ABCA4: variants seen among roughly 807,000 people sequenced by gnomAD.
ABCA4 encodes the protein ATP binding cassette subfamily A member 4.
In ABCA4, 196 loss-of-function variants were observed where a neutral mutation model predicts 263.7. The ratio of observed to expected loss-of-function variants is 0.74; its 90% CI spans 0.66 to 0.84. The LOEUF is 0.84. Ranked by LOEUF, ABCA4 falls within the 40% of genes least tolerant of loss-of-function variation. ABCA4 has a pLI of 0.00. For missense variants in ABCA4, 2,792 were observed against 2,855.1 expected, an observed-to-expected ratio of 0.98 and a Z score of 0.50; for synonymous variants, 1,133 against 1,094.2, an observed-to-expected ratio of 1.04 and a Z score of -0.70.
chr1:94,109,653 C>T (rs1662547079), intron 3 of ABCA4, among the ~76,000 whole-genome samples: 2 of 152,150 alleles, frequency 1.3e-5, no homozygotes, highest in African/African-American at 4.8e-5. Flanking sequence ...GATACAGAGG[C>T]CAGGGCTGGC....
chr1:94,001,187 G>T, intron 45 of ABCA4, 82 bp from the exon 46 acceptor site: 1 of 1,163,390 alleles, frequency 8.6e-7, no homozygotes, highest in Non-Finnish European at 1.3e-6. Context: ...TGGCTCCCCT[G>T]TGGAGGATGA....
In ABCA4 at chr1:94,031,109, C is replaced by T. The variant is rs139109485; in HGVS notation, c.4140G>A (p.Pro1380=). ...TCAGAGCCAAAAACACAAAGGTAGC[C>T]GGGAGCACGATCTGTGGGAGAATAG... The part of the protein sequence containing the change: ...HKDFLAQIVL[P]ATFVFLALML... Residue 1380 remains proline, a synonymous_variant, in exon 28 of 50, where the codon CCG becomes CCA. Coordinates refer to ENST00000370225, the MANE Select transcript of ABCA4 (RefSeq NM_000350.3). 43 of 1,614,092 alleles carry T rather than the reference C, an allele frequency of 2.7e-5. No individual in the cohort carries two copies. The highest frequency in any genetic ancestry group is 1.4e-4 in the South Asian group (13 of 91,042).
chr1:94,078,492 A>G, intron 10 of ABCA4, 98 bp downstream of exon 10: 1 of 966,242 alleles, frequency 1.0e-6, no homozygotes, highest in South Asian at 1.3e-5. Context: ...TAACTCCAAT[A>G]GCGATTAACT....
chr1:94,003,738 T>C (rs888989353), intron 44 of ABCA4, among the ~76,000 whole-genome samples: 4 of 151,992 alleles, frequency 2.6e-5, no homozygotes, highest in African/African-American at 9.7e-5. Flanking sequence ...GGCTCAAGCA[T>C]TCCTCCCACC....
intron 38 of ABCA4, 35 bp downstream of exon 38, chr1:94,014,507 CT>C: frequency 6.2e-7 from 1 of 1,611,366 alleles, no homozygotes; most frequent in Non-Finnish European, 8.5e-7. Context: ...TACTATCCTA[CT>C]AATCAAACAA....
intron 11 of ABCA4, among the ~76,000 whole-genome samples, chr1:94,075,683 C>A (rs576086291): frequency 6.6e-6 from 1 of 152,348 alleles, no homozygotes; most frequent in East Asian, 1.9e-4. Flanking sequence ...AGTTTATTCC[C>A]TCTCCTACTG....
intron 48 of ABCA4, among the ~76,000 whole-genome samples, chr1:93,996,507 T>TA (rs200982046): frequency 8.0e-4 from 121 of 150,658 alleles, no homozygotes; most frequent in Non-Finnish European, 1.4e-3. Flanking sequence ...TCCTAATAAC[T>TA]AAAAAAAAAG....
Position 94,009,324 on chromosome 1 carries a change from C to A in ABCA4, c.5715-453G>T, listed in dbSNP as rs550495247. Among the ~76,000 whole-genome samples the A allele has an allele frequency of 3.3e-5, 5 of 152,314 alleles. No individual in the cohort carries two copies. In the South Asian group the frequency reaches 8.3e-4, roughly 25 times the overall value. Reference sequence around the variant, plus strand: ...TAGTTACTAACCTCCGAGCCTCCCACTTCCTCCAGTCTGCCCTGCCAACTC... The same window carrying A: ...TAGTTACTAACCTCCGAGCCTCCCAATTCCTCCAGTCTGCCCTGCCAACTC... On this transcript the variant is annotated intron_variant, in intron 40 of 49. Coordinates refer to ENST00000370225, the MANE Select transcript of ABCA4 (RefSeq NM_000350.3).
rs1440954354 is a variant in ABCA4, at chr1:94,025,178, T to C, written c.4540-130A>G. The C allele has an allele frequency of 6.4e-6, 5 of 783,354 alleles. No individual in the cohort carries two copies. The African/African-American group carries it at 6.8e-5, about 11-fold the overall frequency. The allele number at this position is 783,354 out of a possible 1,614,324, so 48.5% of individuals were successfully genotyped here. A position where few individuals can be genotyped will look rare whatever the true frequency, so the allele number is the denominator to read the frequency against. ...GCTGAGAAAATACTAAATAAAGTACTGGCATCTCCCTAGTTCTCACTTCAA... is the reference window on the plus strand; with the variant it reads ...GCTGAGAAAATACTAAATAAAGTACCGGCATCTCCCTAGTTCTCACTTCAA... On this transcript the variant is annotated intron_variant, in intron 30 of 49. Transcript: ENST00000370225.
chr1:94,108,927 C>T (rs1662518264), intron 3 of ABCA4, among the ~76,000 whole-genome samples: 1 of 152,078 alleles, frequency 6.6e-6, no homozygotes, highest in South Asian at 2.1e-4. Context: ...CGCCCGCCAC[C>T]ACACCCAGCT....
At position 94,022,047 on chromosome 1, in the gene ABCA4, G is replaced by A. The variant is rs9661576; in HGVS notation, c.4668-96C>T. On this transcript the variant is annotated intron_variant, in intron 32 of 49. Coordinates refer to ENST00000370225, the MANE Select transcript of ABCA4 (RefSeq NM_000350.3). Reference sequence around the variant, plus strand: ...TTGTAGGGAAACATGAACTTTCGGGGGAATTGCCTGGACCAGCGAGCAACA... The same window carrying A: ...TTGTAGGGAAACATGAACTTTCGGGAGAATTGCCTGGACCAGCGAGCAACA... 9.5e-4 allele frequency: 954 copies of A among 1,004,218 alleles called. 8 individuals are homozygous for A. In the African/African-American group the frequency reaches 0.013, roughly 14 times the overall value. The allele number at this position is 1,004,218 out of a possible 1,614,324, so 62.2% of individuals were successfully genotyped here.
Position 94,018,312 on chromosome 1 carries a change from T to A in ABCA4, c.5196+1270A>T, listed in dbSNP as rs1355201088. Among the ~76,000 whole-genome samples, 4 of 152,206 alleles carry A rather than the reference T, an allele frequency of 2.6e-5. No homozygotes were observed. The East Asian group carries it at 7.7e-4, about 29-fold the overall frequency. On this transcript the variant is annotated intron_variant, in intron 36 of 49. Coordinates refer to ENST00000370225, the MANE Select transcript of ABCA4 (RefSeq NM_000350.3). ...AGCCTCCGCACTTTTCTAAGTAACTTTTCGGTACCGGTGGGCCTAGCTCCT... is the reference window on the plus strand; with the variant it reads ...AGCCTCCGCACTTTTCTAAGTAACTATTCGGTACCGGTGGGCCTAGCTCCT...
At chr1:94,056,236 CAGAT>C in intron 15 of ABCA4, among the ~76,000 whole-genome samples, 1 of 152,298 alleles carries the variant, frequency 6.6e-6, no homozygotes, top group Non-Finnish European at 1.5e-5. Flanking sequence ...TCTCTTTAGA[CAGAT>C]AGTAAAGTGG....
intron 18 of ABCA4, among the ~76,000 whole-genome samples, chr1:94,047,327 T>C (rs1430372053): frequency 6.6e-6 from 1 of 152,206 alleles, no homozygotes; most frequent in Non-Finnish European, 1.5e-5. Context: ...ATTACCTCAA[T>C]GTACTCTTAC....
chr1:94,001,165 T>C lies in ABCA4; in HGVS notation c.6283-60A>G, dbSNP rs992079232. The C allele has an allele frequency of 7.8e-6, 11 of 1,402,460 alleles. No individual in the cohort carries two copies. In the African/African-American group the frequency reaches 1.6e-4, roughly 20 times the overall value. The allele number at this position is 1,402,460 out of a possible 1,614,324, so 86.9% of individuals were successfully genotyped here. A position where few individuals can be genotyped will look rare whatever the true frequency, so the allele number is the denominator to read the frequency against. Reference sequence around the variant, plus strand: ...GGGAGCTGGCCCTTCTGATTACTGCTTCCCCCTGGGCTGGCTCCCCTGTGG... The same window carrying C: ...GGGAGCTGGCCCTTCTGATTACTGCCTCCCCCTGGGCTGGCTCCCCTGTGG... On this transcript the variant is annotated intron_variant, in intron 45 of 49. Transcript: ENST00000370225.
rs994266774 is a variant in ABCA4 at position 94,021,740 on chromosome 1, A to G, written c.4774-26T>C. The G allele has an allele frequency of 3.7e-6, 6 of 1,611,116 alleles. No individual in the cohort carries two copies. The African/African-American group carries it at 8.0e-5, about 22-fold the overall frequency. ...CTAAAAACCATGTAAACAAACAAAC[A>G]AGACGGTTTTAATTTTTTTTTCCTG... On this transcript the variant is annotated intron_variant, in intron 33 of 49. Transcript: ENST00000370225.
chr1:94,030,395 G>A (rs1361854002), intron 29 of ABCA4, 33 bp downstream of exon 29: 2 of 1,603,454 alleles, frequency 1.2e-6, no homozygotes, highest in South Asian at 1.1e-5. Flanking sequence ...AGGGGAGCTA[G>A]TCTTCTTAGG....
chr1:94,100,507 A>G (rs997246134), intron 5 of ABCA4, among the ~76,000 whole-genome samples: 1 of 152,178 alleles, frequency 6.6e-6, no homozygotes, highest in Non-Finnish European at 1.5e-5. Flanking sequence ...ATCACCTGTT[A>G]ACTCTCCAGT....
At chr1:94,045,318 CTTTT>C (rs10717749) in intron 19 of ABCA4, among the ~76,000 whole-genome samples, 2 of 132,624 alleles carry the variant, frequency 1.5e-5, no homozygotes, top group Non-Finnish European at 1.6e-5. Context: ...CAATGGTGGG[CTTTT>C]TTTTTTTTTT....
Sources: allele counts gnomAD v4.1 joint callset (sites outside exome capture counted in the v4.1 genomes callset), GRCh38; gene constraint gnomAD v4.1.1; transcripts MANE v1.5; gene names NCBI Gene and HGNC (gene_info 2026-07-23, HGNC 2026-07-21).